LAMA1: variants seen among roughly 807,000 people sequenced by gnomAD.
LAMA1 encodes laminin subunit alpha-1.
LAMA1 carries 219 observed loss-of-function variants against 348.7 expected under a neutral mutation model. That is an observed-to-expected ratio of 0.63 (90% CI 0.56 to 0.70). The LOEUF (loss-of-function observed/expected upper bound fraction) is 0.70. Ranked by LOEUF, LAMA1 falls within the 30% of genes least tolerant of loss-of-function variation. The pLI is 0.00. For synonymous variants in LAMA1, 1,487 were observed against 1,491.0 expected, an observed-to-expected ratio of 1.00 and a Z score of 0.06; for missense variants, 3,744 against 3,888.0, an observed-to-expected ratio of 0.96 and a Z score of 0.99.
intron 32 of LAMA1, 24 bp from the exon 33 acceptor site, chr18:6,997,908 G>T (rs770044533): frequency 6.2e-7 from 1 of 1,612,232 alleles, no homozygotes; most frequent in Non-Finnish European, 8.5e-7. Context: ...TTTTAAAAAG[G>T]AGAGTTAAAG....
intron 14 of LAMA1, among the ~76,000 whole-genome samples, chr18:7,033,470 A>AAAAG (rs1555656719): frequency 1.3e-5 from 2 of 151,314 alleles, no homozygotes; most frequent in Non-Finnish European, 2.9e-5. Context: ...AAAAAAAAAA[A>AAAAG]GACTTAAATC....
chr18:7,002,408 A>AT (rs1555650973), intron 29 of LAMA1, 23 bp from the exon 30 acceptor site: 248 of 1,609,690 alleles, frequency 1.5e-4, no homozygotes, highest in Non-Finnish European at 2.0e-4. Context: ...ATTTAAAGGA[A>AT]GGGGGAAAAA....
chr18:7,079,829 C>A (rs1023219507), intron 3 of LAMA1, 146 bp downstream of exon 3: 12 of 691,452 alleles, frequency 1.7e-5, no homozygotes, highest in Non-Finnish European at 2.9e-5. Context: ...GGGACTCCTT[C>A]TGTATACCAC....
Position 6,975,012 on chromosome 18 carries a change from G to A in LAMA1, c.6514C>T (p.Arg2172Trp), listed in dbSNP as rs756411628. 2.3e-5 allele frequency: 37 copies of A among 1,613,672 alleles called. 1 individual carries two copies. The highest frequency in any genetic ancestry group is 1.9e-4 in the South Asian group (17 of 91,018). ...CACAGGAAGGCCACTCTCCCTCGCC[G>A]CATCTCCACTGCAAGGAAATCAGAC... ...TASDFLAVEM[R>W]RGRVAFLWDL... The change falls in exon 46 of 63, where the codon CGG (arginine) becomes TGG (tryptophan). Residue 2172 changes from arginine to tryptophan, a missense_variant. This residue lies in a region of LAMA1 where 1,983 missense variants were observed against 1,934.3 expected (regional missense o/e 1.03). Coordinates refer to ENST00000389658, the MANE Select transcript of LAMA1 (RefSeq NM_005559.4).
At chr18:6,943,455 T>C in intron 61 of LAMA1, 53 bp from the exon 62 acceptor site, 6 of 1,391,646 alleles carry the variant, frequency 4.3e-6, no homozygotes, top group Non-Finnish European at 6.1e-6. Flanking sequence ...CACAGTCCAT[T>C]TGTATAAGCT....
chr18:6,968,818 G>A (rs548488683), intron 48 of LAMA1, among the ~76,000 whole-genome samples: 3 of 152,236 alleles, frequency 2.0e-5, no homozygotes, highest in East Asian at 1.9e-4. Context: ...TATAAATCAC[G>A]TTTAAGAGTA....
intron 24 of LAMA1, 148 bp from the exon 25 acceptor site, chr18:7,011,627 C>G: frequency 1.1e-6 from 1 of 920,070 alleles, no homozygotes; most frequent in African/African-American, 1.7e-5. Context: ...AACTAAACAT[C>G]TGGAAGAAAA....
chr18:6,974,768 TA>T, intron 46 of LAMA1, 134 bp downstream of exon 46: 1 of 1,206,416 alleles, frequency 8.3e-7, no homozygotes, highest in Non-Finnish European at 1.2e-6. Flanking sequence ...ACAGCTAACC[TA>T]AACCAAGTAT....
Position 7,008,506 on chromosome 18 carries a change from A to G in LAMA1, c.4104T>C (p.Thr1368=), listed in dbSNP as rs748584496. Residue 1368 remains threonine, a synonymous_variant, in exon 28 of 63, where the codon ACT becomes ACC. Transcript: ENST00000389658. ...LLENCVCPPG[T]VGFSCQDCAP... The stretch of plus-strand genomic sequence containing the variant: ...TCCGTACCTGACATGAGAATCCCAC[A>G]GTGCCAGGAGGACAGACACAATTCT... The G allele has an allele frequency of 1.2e-6, 2 of 1,613,992 alleles. No homozygotes were observed. Among genetic ancestry groups the G allele is most frequent in the Admixed American group, 1.7e-5 (1 of 60,002 alleles).
intron 46 of LAMA1, among the ~76,000 whole-genome samples, chr18:6,974,166 G>A (rs2057670897): frequency 6.6e-6 from 1 of 152,000 alleles, no homozygotes; most frequent in South Asian, 2.1e-4. Context: ...TCTGATTGTT[G>A]ATTTTGGTAT....
intron 4 of LAMA1, among the ~76,000 whole-genome samples, chr18:7,050,074 C>T (rs1391708741): frequency 6.6e-6 from 1 of 152,100 alleles, no homozygotes; most frequent in Non-Finnish European, 1.5e-5. Flanking sequence ...GAATAGGCTT[C>T]GAGAAGAACA....
chr18:7,084,074 G>GAAAAAA lies in LAMA1; in HGVS notation c.62-3623_62-3618dup, dbSNP rs35419107. ...GGCAACAGAGTGAGATTCTGTCTCA[G>GAAAAAA]AAAAAAAAAAAAAAAAAAAAAAAAA... On this transcript the variant is annotated intron_variant, in intron 1 of 62. Transcript: ENST00000389658. 3.4e-4 allele frequency among the ~76,000 whole-genome samples: 17 copies of GAAAAAA among 49,718 alleles called. 1 individual carries two copies. The highest frequency in any genetic ancestry group is 9.2e-4 in the African/African-American group (14 of 15,242). 32.6% of individuals were successfully genotyped at this position (49,718 alleles called of 152,430 possible). A position where few individuals can be genotyped will look rare whatever the true frequency, so the allele number is the denominator to read the frequency against.
chr18:7,001,502 G>A (rs997024431), intron 30 of LAMA1, among the ~76,000 whole-genome samples: 1 of 152,114 alleles, frequency 6.6e-6, no homozygotes, highest in Admixed American at 6.6e-5. Flanking sequence ...GCTTGCAAGG[G>A]AAGTGTACAT....
At chr18:6,983,021 G>T in intron 40 of LAMA1, 78 bp downstream of exon 40, 1 of 1,556,520 alleles carries the variant, frequency 6.4e-7, no homozygotes, top group South Asian at 1.1e-5. Flanking sequence ...AGAAATTGGG[G>T]CCACTGAATC....
intron 1 of LAMA1, among the ~76,000 whole-genome samples, chr18:7,089,587 G>T (rs1054924559): frequency 2.0e-5 from 3 of 152,250 alleles, no homozygotes; most frequent in Non-Finnish European, 4.4e-5. Context: ...AAGGCCCAAT[G>T]ACCTGGCGTG....
At chr18:7,024,302 A>T in intron 18 of LAMA1, 78 bp downstream of exon 18, 1 of 1,092,388 alleles carries the variant, frequency 9.2e-7, no homozygotes, top group Non-Finnish European at 1.4e-6. Context: ...AACCACACTT[A>T]ACTACGCATT....
chr18:7,098,680 C>T (rs1409368659), intron 1 of LAMA1, among the ~76,000 whole-genome samples: 16 of 149,690 alleles, frequency 1.1e-4, no homozygotes, highest in Admixed American at 4.7e-4. Flanking sequence ...AAGTGAGGAG[C>T]GTCTCCGCCC....
At chr18:7,003,314 T>G (rs1392572711) in intron 29 of LAMA1, among the ~76,000 whole-genome samples, 14 of 151,300 alleles carry the variant, frequency 9.3e-5, no homozygotes, top group Non-Finnish European at 1.6e-4. Flanking sequence ...GCAGAGGCAT[T>G]ATCTCGGCTC....
intron 51 of LAMA1, 141 bp from the exon 52 acceptor site, chr18:6,962,200 T>G (rs1406698527): frequency 1.4e-6 from 1 of 706,888 alleles, no homozygotes; most frequent in Non-Finnish European, 2.6e-6. Context: ...GGTAGAAGGA[T>G]TACCTAAGCC....
Sources: allele counts gnomAD v4.1 joint callset (sites outside exome capture counted in the v4.1 genomes callset), GRCh38; gene constraint gnomAD v4.1.1; regional missense constraint gnomAD v4.1.1; transcripts MANE v1.5; gene names NCBI Gene and HGNC (gene_info 2026-07-23, HGNC 2026-07-21).